Variants in CERS6 observed in about 807,000 individuals in gnomAD.
The protein encoded by CERS6 is ceramide synthase 6.
CERS6 carries 26 observed loss-of-function variants against 56.8 expected under a neutral mutation model. The observed-to-expected ratio is 0.46, with a 90% confidence interval of 0.34 to 0.63. The LOEUF is 0.63. Among genes scored for constraint, CERS6 ranks in the 30% least tolerant of loss-of-function variants. The pLI, the probability that CERS6 is intolerant of heterozygous loss-of-function variation, is 0.01. For synonymous variants in CERS6, 164 were observed against 173.3 expected (o/e 0.95, Z 0.42); for missense variants, 415 against 467.5 (o/e 0.89, Z 1.04).
At chr2:168,666,731 G>T (rs1685771751) in intron 4 of CERS6, among the ~76,000 whole-genome samples, 1 of 152,184 alleles carries the variant, frequency 6.6e-6, no homozygotes, top group Non-Finnish European at 1.5e-5. Context: ...AACCCACATT[G>T]AGAAGCAGTT....
At chr2:168,709,411 A>AT (rs1687034771) in intron 6 of CERS6, among the ~76,000 whole-genome samples, 1 of 151,076 alleles carries the variant, frequency 6.6e-6, no homozygotes, top group African/African-American at 2.5e-5. Context: ...ACCATGTTTG[A>AT]TTTTTCCCCC....
At chr2:168,645,589 G>A (rs932554486) in intron 4 of CERS6, among the ~76,000 whole-genome samples, 6 of 152,028 alleles carry the variant, frequency 3.9e-5, no homozygotes, top group African/African-American at 1.4e-4. Context: ...TGTTACAGAG[G>A]TAAACTCATT....
intron 3 of CERS6, among the ~76,000 whole-genome samples, chr2:168,569,897 A>G (rs1206147246): frequency 6.6e-6 from 1 of 152,184 alleles, no homozygotes; most frequent in African/African-American, 2.4e-5. Context: ...ATATATAAAT[A>G]AAGTGTTTAG....
At chr2:168,536,461 T>C (rs959738237) in intron 1 of CERS6, among the ~76,000 whole-genome samples, 1 of 151,866 alleles carries the variant, frequency 6.6e-6, no homozygotes, top group African/African-American at 2.4e-5. Context: ...GCTGCTTTTG[T>C]CACACACACA....
At chr2:168,579,601 T>C (rs1307672956) in intron 3 of CERS6, among the ~76,000 whole-genome samples, 2 of 152,286 alleles carry the variant, frequency 1.3e-5, no homozygotes, top group East Asian at 1.9e-4. Context: ...AAGTCTAGCT[T>C]AGGCACCCTT....
intron 4 of CERS6, among the ~76,000 whole-genome samples, chr2:168,641,481 C>CT (rs1685043804): frequency 6.6e-6 from 1 of 152,150 alleles, no homozygotes; most frequent in Admixed American, 6.5e-5. Flanking sequence ...CAGCTGGATG[C>CT]ATGGCTTCCT....
intron 4 of CERS6, among the ~76,000 whole-genome samples, chr2:168,638,889 T>G (rs34417335): frequency 0.12 from 18,136 of 152,194 alleles, 1,400 homozygotes; most frequent in Middle Eastern, 0.25. Flanking sequence ...GGGGATTCCT[T>G]GAACTCCAAG....
chr2:168,717,312 A>G (rs1687248509), intron 7 of CERS6, among the ~76,000 whole-genome samples: 1 of 152,296 alleles, frequency 6.6e-6, no homozygotes, highest in Admixed American at 6.5e-5. Context: ...TTCTAAGTTC[A>G]TGAGAGTAAG....
intron 1 of CERS6, among the ~76,000 whole-genome samples, chr2:168,473,799 C>T (rs1168459158): frequency 1.3e-5 from 2 of 152,154 alleles, no homozygotes; most frequent in South Asian, 4.1e-4. Flanking sequence ...ACTTTCTTCC[C>T]TGATGTGTCC....
chr2:168,592,681 G>A (rs1478210325), intron 3 of CERS6, among the ~76,000 whole-genome samples: 3 of 152,124 alleles, frequency 2.0e-5, no homozygotes, highest in Non-Finnish European at 2.9e-5. Flanking sequence ...GTGCAGCAGG[G>A]TGGAGGGGTG....
intron 6 of CERS6, among the ~76,000 whole-genome samples, chr2:168,712,967 T>C (rs914427826): frequency 1.3e-5 from 2 of 152,228 alleles, no homozygotes; most frequent in Middle Eastern, 3.4e-3. Flanking sequence ...CTTCTCATGA[T>C]TGCTTCTTTT....
chr2:168,715,135 A>C lies in CERS6; in HGVS notation c.738+6A>C. ...CAGCTGATGCTCTTCTGGAGGTAAA[A>C]GTTTTCTTTCATCTTTAAGAATACA... On this transcript the variant is annotated splice_donor_region_variant and intron_variant, in intron 7 of 9. Coordinates refer to ENST00000305747, the MANE Select transcript of CERS6 (RefSeq NM_203463.3). 1 of 1,602,434 alleles carries C rather than the reference A, an allele frequency of 6.2e-7. No homozygotes were observed. The highest frequency in any genetic ancestry group is 1.1e-5 in the South Asian group (1 of 88,428).
chr2:168,636,983 C>T (rs1011077326), intron 4 of CERS6, among the ~76,000 whole-genome samples: 3 of 152,146 alleles, frequency 2.0e-5, no homozygotes, highest in African/African-American at 7.2e-5. Context: ...GATTTAATTG[C>T]TTCGTCTCTA....
At chr2:168,501,008 C>T (rs1359713204) in intron 1 of CERS6, among the ~76,000 whole-genome samples, 3 of 152,140 alleles carry the variant, frequency 2.0e-5, no homozygotes, top group Non-Finnish European at 4.4e-5. Context: ...GGTATTTCCC[C>T]ATTTACATAA....
rs180963341 is a variant in CERS6, at chr2:168,770,340, A to G, written c.*678A>G. 3 of 152,436 alleles carry G rather than the reference A, an allele frequency of 2.0e-5. No individual in the cohort carries two copies. Among genetic ancestry groups the G allele is most frequent in the African/African-American group, 4.8e-5 (2 of 41,586 alleles). The allele number at this position is 152,436 out of a possible 1,614,324, so 9.4% of individuals were successfully genotyped here. A position where few individuals can be genotyped will look rare whatever the true frequency, so the allele number is the denominator to read the frequency against. Reference sequence around the variant, plus strand: ...TGTGCACACAGCCAAGATTTCTTCAATGGGTGTGAGCTAGTTGAGGGTTAA... The same window carrying G: ...TGTGCACACAGCCAAGATTTCTTCAGTGGGTGTGAGCTAGTTGAGGGTTAA... On this transcript the variant is annotated 3_prime_UTR_variant, in exon 10 of 10. Coordinates refer to ENST00000305747, the MANE Select transcript of CERS6 (RefSeq NM_203463.3).
chr2:168,760,032 T>G (rs897363335), intron 8 of CERS6, among the ~76,000 whole-genome samples: 6 of 152,100 alleles, frequency 3.9e-5, no homozygotes, highest in Admixed American at 1.3e-4. Flanking sequence ...TGTATGTATG[T>G]ATAACCCACG....
At position 168,771,109 on chromosome 2, in the gene CERS6, A is replaced by C. The variant is rs1307587283; in HGVS notation, c.*1447A>C. The C allele has an allele frequency of 1.3e-5, 2 of 152,228 alleles. No homozygotes were observed. Among genetic ancestry groups the C allele is most frequent in the Non-Finnish European group, 2.9e-5 (2 of 68,040 alleles). 9.4% of individuals were successfully genotyped at this position (152,228 alleles called of 1,614,324 possible). A position where few individuals can be genotyped will look rare whatever the true frequency, so the allele number is the denominator to read the frequency against. On this transcript the variant is annotated 3_prime_UTR_variant, in exon 10 of 10. Transcript: ENST00000305747. ...ATCAAGAAGGCCATCACTTAGAACGAACCCCAAACAAAAATGCCATAATAT... is the reference window on the plus strand; with the variant it reads ...ATCAAGAAGGCCATCACTTAGAACGCACCCCAAACAAAAATGCCATAATAT...
chr2:168,576,206 G>T (rs1683265039), intron 3 of CERS6, among the ~76,000 whole-genome samples: 1 of 152,072 alleles, frequency 6.6e-6, no homozygotes, highest in African/African-American at 2.4e-5. Flanking sequence ...CAGAGTTGAT[G>T]GTCCCCTCAT....
chr2:168,582,916 G>C (rs548651845), intron 3 of CERS6: 1 of 154,492 alleles, frequency 6.5e-6, no homozygotes, highest in Non-Finnish European at 1.5e-5. Context: ...CATGGCCTTT[G>C]AAAGACATGA....
Sources: allele counts gnomAD v4.1 joint callset (sites outside exome capture counted in the v4.1 genomes callset), GRCh38; gene constraint gnomAD v4.1.1; transcripts MANE v1.5; gene names NCBI Gene and HGNC (gene_info 2026-07-23, HGNC 2026-07-21).